Variants in PDE1A observed in about 807,000 individuals in gnomAD.
PDE1A encodes dual specificity calcium/calmodulin-dependent 3',5'-cyclic nucleotide phosphodiesterase 1A.
PDE1A carries 35 observed loss-of-function variants against 61.7 expected under a neutral mutation model. The observed-to-expected ratio is 0.57, with a 90% CI of 0.43 to 0.75. The LOEUF (loss-of-function observed/expected upper bound fraction) is 0.75, where lower values mean the gene tolerates loss of function less well. PDE1A is among the 30% of genes least tolerant of loss of function. The pLI, the probability that PDE1A is intolerant of heterozygous loss-of-function variation, is 0.00. For missense variants in PDE1A, 597 were observed against 630.6 expected, an observed-to-expected ratio of 0.95 and a Z score of 0.57; for synonymous variants, 232 against 213.2, an observed-to-expected ratio of 1.09 and a Z score of -0.77.
At chr2:182,464,333 C>T (rs1052300047) in intron 2 of PDE1A, among the ~76,000 whole-genome samples, 2 of 152,038 alleles carry the variant, frequency 1.3e-5, no homozygotes, top group South Asian at 2.1e-4. Context: ...GGCAAATACC[C>T]TATTCCAAAC....
chr2:182,151,868 G>A (rs879138611), intron 13 of PDE1A, among the ~76,000 whole-genome samples: 1 of 152,198 alleles, frequency 6.6e-6, no homozygotes, highest in Admixed American at 6.5e-5. Flanking sequence ...ATGTAAGTGG[G>A]AAAATCATCA....
At chr2:182,480,995 T>C (rs1226170400) in intron 2 of PDE1A, among the ~76,000 whole-genome samples, 1 of 151,780 alleles carries the variant, frequency 6.6e-6, no homozygotes. Context: ...GGAAGGAAGG[T>C]GGGACAAAAA....
the PDE1A span, among the ~76,000 whole-genome samples, chr2:182,539,657 A>T: frequency 2.0e-5 from 3 of 152,256 alleles, no homozygotes; most frequent in Non-Finnish European, 2.9e-5. Context: ...GCCAGGAAAA[A>T]AACGTTGTGT....
chr2:182,242,914 C>CG (rs1559242643), intron 2 of PDE1A, among the ~76,000 whole-genome samples: 3 of 57,186 alleles, frequency 5.2e-5, no homozygotes, highest in East Asian at 1.0e-3. Flanking sequence ...CTCTCTCTCT[C>CG]TCTCTCTCTC....
chr2:182,180,343 T>C lies in PDE1A; in HGVS notation c.1516+5549A>G, dbSNP rs1379689597. Among the ~76,000 whole-genome samples, 5 of 152,288 alleles carry C rather than the reference T, an allele frequency of 3.3e-5. No individual in the cohort carries two copies. The East Asian group carries it at 5.8e-4, about 18-fold the overall frequency. ...GAAGTAAAATTCTACTTATTTCTAA[T>C]AATATGAAATTTTAGGTTGAAAAAT... On this transcript the variant is annotated intron_variant, in intron 13 of 13. Coordinates refer to ENST00000351439, the Ensembl canonical transcript of PDE1A.
chr2:182,585,335 C>G, the PDE1A span, among the ~76,000 whole-genome samples: 1 of 152,120 alleles, frequency 6.6e-6, no homozygotes, highest in African/African-American at 2.4e-5. Flanking sequence ...GAGTCTCACT[C>G]CTATTTGGGA....
At position 182,187,821 on chromosome 2, in the gene PDE1A, T is replaced by C. The variant is rs187812595; in HGVS notation, c.1207+1158A>G. On this transcript the variant is annotated intron_variant, in intron 11 of 13. Coordinates refer to ENST00000351439, the Ensembl canonical transcript of PDE1A. ...GTGCAGTGGTGCAATCTCGGCTCAC[T>C]GCAACCTCTGCCTCCTGGGTTCAAG... 7.0e-5 allele frequency among the ~76,000 whole-genome samples: 10 copies of C among 141,966 alleles called. No homozygotes were observed. The East Asian group carries it at 2.3e-3, about 32-fold the overall frequency. The allele number at this position is 141,966 out of a possible 152,430, so 93.1% of individuals were successfully genotyped here. A position where few individuals can be genotyped will look rare whatever the true frequency, so the allele number is the denominator to read the frequency against.
At chr2:182,592,261 A>C in the PDE1A span, among the ~76,000 whole-genome samples, 16 of 152,230 alleles carry the variant, frequency 1.1e-4, no homozygotes, top group African/African-American at 3.6e-4. Flanking sequence ...TACTGCCAGA[A>C]CAACTGAGAT....
downstream of PDE1A, among the ~76,000 whole-genome samples, chr2:182,167,392 T>A (rs961152863): frequency 6.6e-6 from 1 of 152,180 alleles, no homozygotes; most frequent in Non-Finnish European, 1.5e-5. Flanking sequence ...TTGTATCCTA[T>A]GTTTCTTTAA....
the PDE1A span, among the ~76,000 whole-genome samples, chr2:182,562,714 T>A: frequency 1.3e-5 from 2 of 152,218 alleles, no homozygotes; most frequent in East Asian, 3.9e-4. Flanking sequence ...AAGCTATTGA[T>A]TATTGCCACA....
At chr2:182,244,359 TC>T (rs879829438) in intron 2 of PDE1A, among the ~76,000 whole-genome samples, 179 of 73,844 alleles carry the variant, frequency 2.4e-3, no homozygotes, top group Non-Finnish European at 3.6e-3. Context: ...TTTACCTTTT[TC>T]TTTTTTTAAA....
chr2:182,533,849 GA>G, the PDE1A span, among the ~76,000 whole-genome samples: 1 of 152,026 alleles, frequency 6.6e-6, no homozygotes, highest in Non-Finnish European at 1.5e-5. Flanking sequence ...AAATAAAAAT[GA>G]AAATAATTGA....
At chr2:182,473,432 G>GA (rs1426051316) in intron 2 of PDE1A, among the ~76,000 whole-genome samples, 1 of 151,586 alleles carries the variant, frequency 6.6e-6, no homozygotes, top group African/African-American at 2.4e-5. Flanking sequence ...ACATTTACAA[G>GA]AAAAAAACAA....
At chr2:182,312,988 A>C (rs1029560708) in intron 1 of PDE1A, among the ~76,000 whole-genome samples, 2 of 152,218 alleles carry the variant, frequency 1.3e-5, no homozygotes, top group African/African-American at 2.4e-5. Flanking sequence ...AATGCTTTAA[A>C]ATTTTAATAC....
downstream of PDE1A, among the ~76,000 whole-genome samples, chr2:182,146,712 C>T (rs945484965): frequency 2.0e-5 from 3 of 152,124 alleles, no homozygotes; most frequent in African/African-American, 7.2e-5. Flanking sequence ...TCTCAAACTC[C>T]TGACCTTGTG....
intron 3 of PDE1A, among the ~76,000 whole-genome samples, chr2:182,239,685 C>T (rs1192410209): frequency 9.2e-6 from 1 of 109,116 alleles, no homozygotes; most frequent in East Asian, 2.8e-4. Context: ...AGCAAATGGT[C>T]TTCTGTCTTT....
chr2:182,201,651 A>AAAAG lies in PDE1A; in HGVS notation c.1004+36_1004+37insCTTT. On this transcript the variant is annotated intron_variant, in intron 9 of 13. Coordinates refer to ENST00000351439, the Ensembl canonical transcript of PDE1A. ...CAAGCCCCTGGAACTTTAACATGAC[A>AAAAG]AAAAAAAAAAAACAACAAAAAAAAC... is the stretch of plus-strand genomic sequence containing the variant. 4.5e-6 allele frequency: 6 copies of AAAAG among 1,326,198 alleles called. No individual in the cohort carries two copies. The South Asian group carries it at 8.1e-5, about 18-fold the overall frequency. The allele number at this position is 1,326,198 out of a possible 1,614,324, so 82.2% of individuals were successfully genotyped here. A position where few individuals can be genotyped will look rare whatever the true frequency, so the allele number is the denominator to read the frequency against.
intron 13 of PDE1A, among the ~76,000 whole-genome samples, chr2:182,169,963 C>G (rs904334893): frequency 2.7e-5 from 3 of 110,916 alleles, no homozygotes; most frequent in Non-Finnish European, 5.4e-5. Flanking sequence ...CTTTCTCTTT[C>G]ATACACACAC....
intron 2 of PDE1A, among the ~76,000 whole-genome samples, chr2:182,263,542 G>A (rs1005699202): frequency 6.6e-6 from 1 of 152,098 alleles, no homozygotes; most frequent in Non-Finnish European, 1.5e-5. Flanking sequence ...TCAAATGCTG[G>A]AAATGCATGC....
Sources: allele counts gnomAD v4.1 joint callset (sites outside exome capture counted in the v4.1 genomes callset), GRCh38; gene constraint gnomAD v4.1.1; transcripts MANE v1.5; gene names NCBI Gene and HGNC (gene_info 2026-07-23, HGNC 2026-07-21).